The following RFC3 variants were observed in gnomAD, a reference collection of about 807,000 sequenced individuals.
RFC3 encodes the protein replication factor C subunit 3.
In RFC3, 41 loss-of-function variants were observed where a neutral mutation model predicts 45.1. That is an observed-to-expected ratio of 0.91 (90% CI 0.71 to 1.18). RFC3 has a LOEUF of 1.18. RFC3 is among the 50% of genes most tolerant of loss of function. The pLI, the probability that RFC3 is intolerant of heterozygous loss-of-function variation, is 0.00. For missense variants in RFC3, 423 were observed against 428.1 expected (o/e 0.99, Z 0.10); for synonymous variants, 149 against 144.0 (o/e 1.03, Z -0.25).
At chr13:33,945,081 G>A (rs1295508025) in intron 8 of RFC3, among the ~76,000 whole-genome samples, 4 of 152,104 alleles carry the variant, frequency 2.6e-5, no homozygotes, top group Admixed American at 1.3e-4. Context: ...TTGCCCTGTG[G>A]ATCAGACTCC....
intron 8 of RFC3, among the ~76,000 whole-genome samples, chr13:33,943,290 C>T (rs1425372609): frequency 2.0e-5 from 3 of 152,124 alleles, no homozygotes; most frequent in Non-Finnish European, 4.4e-5. Flanking sequence ...AAGGTATGTA[C>T]TATTTTTATT....
chr13:33,841,441 G>A (rs373365540), downstream of RFC3, among the ~76,000 whole-genome samples: 23 of 152,250 alleles, frequency 1.5e-4, no homozygotes, highest in South Asian at 4.1e-3. Context: ...CTAAAGCTGT[G>A]GTTGCCCTCA....
chr13:33,943,040 A>T (rs2082934442), intron 8 of RFC3, among the ~76,000 whole-genome samples: 1 of 152,214 alleles, frequency 6.6e-6, no homozygotes, highest in Non-Finnish European at 1.5e-5. Flanking sequence ...GTCAAGGTCA[A>T]TATGTGGTTG....
chr13:33,928,962 C>T (rs185921200), intron 8 of RFC3, among the ~76,000 whole-genome samples: 20 of 152,190 alleles, frequency 1.3e-4, no homozygotes, highest in Admixed American at 3.9e-4. Context: ...TTTTTTTCTA[C>T]AGTATTATGC....
intron 8 of RFC3, among the ~76,000 whole-genome samples, chr13:33,877,090 A>G (rs891386955): frequency 6.6e-6 from 1 of 152,238 alleles, no homozygotes; most frequent in Admixed American, 6.5e-5. Context: ...AAGTGCTTAC[A>G]TGCATTATCC....
chr13:33,914,062 A>G (rs549847945), intron 8 of RFC3, among the ~76,000 whole-genome samples: 1 of 152,244 alleles, frequency 6.6e-6, no homozygotes, highest in East Asian at 1.9e-4. Context: ...AGATTTAGTT[A>G]AAGATTGGAA....
Position 33,826,178 on chromosome 13 carries a change from A to T in RFC3, c.391+292A>T, listed in dbSNP as rs371558359. Among the ~76,000 whole-genome samples, 3 of 152,342 alleles carry T rather than the reference A, an allele frequency of 2.0e-5. No individual in the cohort carries two copies. The South Asian group carries it at 6.2e-4, about 32-fold the overall frequency. On this transcript the variant is annotated intron_variant, in intron 4 of 8. Transcript: ENST00000380071. ...TATCAGATATTTAGATAAAAAAGAAAATAATATCAGCTATATTCCCACCAT... is the reference window on the plus strand; with the variant it reads ...TATCAGATATTTAGATAAAAAAGAATATAATATCAGCTATATTCCCACCAT...
chr13:33,852,923 A>T (rs928743805), intron 8 of RFC3, among the ~76,000 whole-genome samples: 1 of 152,162 alleles, frequency 6.6e-6, no homozygotes, highest in South Asian at 2.1e-4. Context: ...TGCACAGACC[A>T]ACCTTGTCCT....
At chr13:33,948,815 C>T (rs911764845) in intron 8 of RFC3, among the ~76,000 whole-genome samples, 13 of 152,202 alleles carry the variant, frequency 8.5e-5, no homozygotes, top group African/African-American at 3.1e-4. Flanking sequence ...TTGTTCTGGT[C>T]AATTTCTCCC....
intron 8 of RFC3, among the ~76,000 whole-genome samples, chr13:33,863,381 C>G (rs2082353947): frequency 6.6e-6 from 1 of 152,206 alleles, no homozygotes; most frequent in Non-Finnish European, 1.5e-5. Context: ...ACATAGCACT[C>G]TTCCCCACCC....
downstream of RFC3, among the ~76,000 whole-genome samples, chr13:33,966,723 T>G (rs1347939165): frequency 2.0e-5 from 3 of 152,160 alleles, no homozygotes; most frequent in Non-Finnish European, 2.9e-5. Context: ...GCACTTTGAG[T>G]TCTCAGCTTT....
chr13:33,860,084 G>A (rs1336330452), intron 8 of RFC3, among the ~76,000 whole-genome samples: 2 of 152,110 alleles, frequency 1.3e-5, no homozygotes, highest in African/African-American at 4.8e-5. Context: ...CAAGCCAAGG[G>A]GACAGTCCTC....
intron 8 of RFC3, among the ~76,000 whole-genome samples, chr13:33,852,944 A>G (rs1336372500): frequency 2.6e-5 from 4 of 152,174 alleles, no homozygotes; most frequent in Admixed American, 1.3e-4. Context: ...AAATTGAGAC[A>G]AGATTCCATT....
chr13:33,869,787 TA>T (rs1314149875), intron 8 of RFC3, among the ~76,000 whole-genome samples: 1 of 152,218 alleles, frequency 6.6e-6, no homozygotes, highest in African/African-American at 2.4e-5. Context: ...TTTCCTAGCA[TA>T]TGTCCGGTGT....
chr13:33,848,654 GT>G (rs1407406524), intron 8 of RFC3: 1 of 152,010 alleles, frequency 6.6e-6, no homozygotes, highest in African/African-American at 2.4e-5. Context: ...GTAGATGGAT[GT>G]TGCTTTCATC....
chr13:33,965,840 G>T (rs1226907319), intron 8 of RFC3, among the ~76,000 whole-genome samples: 1 of 152,130 alleles, frequency 6.6e-6, no homozygotes, highest in African/African-American at 2.4e-5. Flanking sequence ...AGGTGTCCTT[G>T]ACATATGCCC....
rs75662188 is a variant in RFC3, at chr13:33,958,439, C to T, written c.880-7648C>T. ...CTCCTGTTCTTATAATCAAGTGAAG[C>T]TTTTCAAACTGAGATGGATGTGTTT... On this transcript the variant is annotated intron_variant, in intron 8 of 8. Coordinates refer to the RFC3 transcript ENST00000434425. Among the ~76,000 whole-genome samples, 696 of 152,292 alleles carry T rather than the reference C, an allele frequency of 4.6e-3. 8 individuals are homozygous for T. Among genetic ancestry groups the T allele is most frequent in the African/African-American group, 0.016 (661 of 41,552 alleles).
At chr13:33,839,907 C>T (rs1566388956), downstream of RFC3, among the ~76,000 whole-genome samples, 1 of 152,148 alleles carries the variant, frequency 6.6e-6, no homozygotes, top group Non-Finnish European at 1.5e-5. Flanking sequence ...AGATTAAATA[C>T]TGTAGTTTGA....
downstream of RFC3, among the ~76,000 whole-genome samples, chr13:33,968,598 C>T (rs1295792186): frequency 6.6e-6 from 1 of 152,000 alleles, no homozygotes; most frequent in East Asian, 1.9e-4. Context: ...GCTTTCCATG[C>T]ATGAAGTACT....
Sources: allele counts gnomAD v4.1 joint callset (sites outside exome capture counted in the v4.1 genomes callset), GRCh38; gene constraint gnomAD v4.1.1; transcripts MANE v1.5; gene names NCBI Gene and HGNC (gene_info 2026-07-23, HGNC 2026-07-21).